The following GALNTL6 variants were observed in gnomAD, a reference collection of about 807,000 sequenced individuals.
The protein encoded by GALNTL6 is polypeptide N-acetylgalactosaminyltransferase like 6.
Under a neutral mutation model 73.7 loss-of-function variants are expected in GALNTL6, and 46 were observed. The observed-to-expected ratio is 0.62, with a 90% CI of 0.49 to 0.80. The LOEUF (loss-of-function observed/expected upper bound fraction) is 0.80, where lower values mean the gene tolerates loss of function less well. Ranked by LOEUF, GALNTL6 falls within the 30% of genes least tolerant of loss-of-function variation. GALNTL6 has a pLI of 0.00. For missense variants in GALNTL6, 604 were observed against 755.0 expected (o/e 0.80, Z 2.34); for synonymous variants, 259 against 263.7 (o/e 0.98, Z 0.17).
At chr4:172,274,624 A>G (rs572443334) in intron 3 of GALNTL6, among the ~76,000 whole-genome samples, 17 of 152,332 alleles carry the variant, frequency 1.1e-4, no homozygotes, top group African/African-American at 3.8e-4. Context: ...AAGAGGCTCA[A>G]ATATAAATAT....
chr4:172,207,110 C>A (rs1416339617), intron 2 of GALNTL6, among the ~76,000 whole-genome samples: 1 of 151,778 alleles, frequency 6.6e-6, no homozygotes, highest in Non-Finnish European at 1.5e-5. Flanking sequence ...CGTGCCTGGC[C>A]GAAACGTGTT....
chr4:172,299,551 G>T (rs1739826101), intron 3 of GALNTL6, among the ~76,000 whole-genome samples: 1 of 152,190 alleles, frequency 6.6e-6, no homozygotes, highest in African/African-American at 2.4e-5. Flanking sequence ...GTGTCCCAGA[G>T]ATTCTGGTAT....
chr4:172,289,752 T>C (rs2111097249), intron 3 of GALNTL6, among the ~76,000 whole-genome samples: 1 of 152,284 alleles, frequency 6.6e-6, no homozygotes, highest in Non-Finnish European at 1.5e-5. Flanking sequence ...GACCATGAAC[T>C]CAGGTTCCCT....
chr4:172,769,939 A>G (rs572486092), intron 5 of GALNTL6, among the ~76,000 whole-genome samples: 1 of 152,260 alleles, frequency 6.6e-6, no homozygotes, highest in South Asian at 2.1e-4. Context: ...TACCTGCATA[A>G]TGTATGCTCA....
chr4:172,314,902 G>T (rs536032730), intron 4 of GALNTL6, among the ~76,000 whole-genome samples: 1 of 152,154 alleles, frequency 6.6e-6, no homozygotes, highest in Admixed American at 6.5e-5. Flanking sequence ...GAGCCACTGT[G>T]CCAGGCCTGC....
intron 5 of GALNTL6, among the ~76,000 whole-genome samples, chr4:172,432,617 G>T (rs1731494643): frequency 6.6e-6 from 1 of 151,958 alleles, no homozygotes; most frequent in South Asian, 2.1e-4. Context: ...AAACTGGATT[G>T]TAGTAGTGGT....
chr4:172,636,523 A>G (rs1013818337), intron 5 of GALNTL6, among the ~76,000 whole-genome samples: 1 of 152,164 alleles, frequency 6.6e-6, no homozygotes, highest in Non-Finnish European at 1.5e-5. Flanking sequence ...GGGTCAGGGC[A>G]GAGAAGGCCA....
At chr4:172,249,105 A>G (rs899334541) in intron 3 of GALNTL6, among the ~76,000 whole-genome samples, 7 of 152,198 alleles carry the variant, frequency 4.6e-5, no homozygotes, top group African/African-American at 7.2e-5. Context: ...AGAATGTGGG[A>G]AAGTTTGGAA....
intron 2 of GALNTL6, among the ~76,000 whole-genome samples, chr4:171,938,902 T>G (rs1738434430): frequency 6.6e-6 from 1 of 152,088 alleles, no homozygotes; most frequent in African/African-American, 2.4e-5. Flanking sequence ...TTGATAGCAT[T>G]TTTTAACCAA....
intron 5 of GALNTL6, among the ~76,000 whole-genome samples, chr4:172,553,726 T>C (rs1736044017): frequency 6.6e-6 from 1 of 152,166 alleles, no homozygotes; most frequent in Non-Finnish European, 1.5e-5. Flanking sequence ...GCAACATATC[T>C]CTTATCTCCT....
chr4:172,668,793 T>C (rs926978983), intron 5 of GALNTL6: 7 of 152,100 alleles, frequency 4.6e-5, no homozygotes, highest in Admixed American at 3.9e-4. Context: ...AAAGGGTTCA[T>C]CACATGGTCC....
chr4:172,689,449 C>T (rs1164764761), intron 5 of GALNTL6, among the ~76,000 whole-genome samples: 1 of 152,124 alleles, frequency 6.6e-6, no homozygotes, highest in Non-Finnish European at 1.5e-5. Context: ...TCTATGAAAA[C>T]ATTTTGAAAA....
chr4:172,075,450 T>C (rs1404616660), intron 2 of GALNTL6, among the ~76,000 whole-genome samples: 3 of 152,142 alleles, frequency 2.0e-5, no homozygotes, highest in Admixed American at 6.5e-5. Flanking sequence ...TTTTCCTGCC[T>C]CAGCCTCCCG....
chr4:172,357,063 G>C (rs1171810464), intron 5 of GALNTL6, among the ~76,000 whole-genome samples: 1 of 152,004 alleles, frequency 6.6e-6, no homozygotes. Context: ...TTGAAATAGA[G>C]GATTCATGAG....
intron 2 of GALNTL6, among the ~76,000 whole-genome samples, chr4:171,848,983 A>G (rs1041489643): frequency 6.6e-6 from 1 of 151,950 alleles, no homozygotes; most frequent in Non-Finnish European, 1.5e-5. Context: ...TTACATGGAC[A>G]TATTGCCTAG....
rs564791602 is a variant in GALNTL6, at chr4:172,891,018, TG to T, written c.1041+8112del. Among the ~76,000 whole-genome samples the T allele has an allele frequency of 1.4e-4, 22 of 152,336 alleles. No homozygotes were observed. The East Asian group carries it at 3.1e-3, about 21-fold the overall frequency. ...AAGAATAGTGACCTCTGCTCTTTTT[TG>T]TTTACCATTTGCATAATAGATCTTT... On this transcript the variant is annotated intron_variant, in intron 8 of 12. Transcript: ENST00000506823.
chr4:171,881,117 C>A (rs1578936516), intron 2 of GALNTL6, among the ~76,000 whole-genome samples: 1 of 152,134 alleles, frequency 6.6e-6, no homozygotes, highest in Non-Finnish European at 1.5e-5. Flanking sequence ...CACTGATGCC[C>A]CTAGCCTTGC....
chr4:172,316,671 T>C (rs1319025443), intron 4 of GALNTL6, among the ~76,000 whole-genome samples: 1 of 152,224 alleles, frequency 6.6e-6, no homozygotes, highest in Non-Finnish European at 1.5e-5. Flanking sequence ...TCCTGTAGTT[T>C]CAGAACCATT....
chr4:172,677,007 A>G (rs1732340534), intron 5 of GALNTL6, among the ~76,000 whole-genome samples: 1 of 152,190 alleles, frequency 6.6e-6, no homozygotes. Flanking sequence ...TGCTAGATAG[A>G]ATCTGTGCAA....
Sources: gnomAD v4.1 joint callset for allele counts (sites outside exome capture counted in the v4.1 genomes callset) on GRCh38, gnomAD v4.1.1 for gene constraint, MANE v1.5 for transcripts, NCBI Gene and HGNC (gene_info 2026-07-23, HGNC 2026-07-21) for gene names.